The following CCSER1 variants were observed in gnomAD, a reference collection of about 807,000 sequenced individuals.
CCSER1 encodes serine-rich coiled-coil domain-containing protein 1.
CCSER1 carries 41 observed loss-of-function variants against 82.0 expected under a neutral mutation model. The observed-to-expected ratio is 0.50, with a 90% CI of 0.39 to 0.65. The LOEUF is 0.65. Among genes scored for constraint, CCSER1 ranks in the 30% least tolerant of loss-of-function variants. The probability of loss-of-function intolerance (pLI) is 0.00; values close to 1 mark genes in which losing one functional copy is unlikely to be tolerated. For missense variants in CCSER1, 1,119 were observed against 1,064.2 expected (o/e 1.05, Z -0.72); for synonymous variants, 414 against 383.9 (o/e 1.08, Z -0.92).
At chr4:91,447,914 G>A (rs1755659112) in intron 10 of CCSER1, among the ~76,000 whole-genome samples, 1 of 151,968 alleles carries the variant, frequency 6.6e-6, no homozygotes, top group East Asian at 1.9e-4. Context: ...CATAAAGAGT[G>A]GTCCATAAAA....
intron 6 of CCSER1, among the ~76,000 whole-genome samples, chr4:90,655,359 G>A (rs1023072778): frequency 6.6e-6 from 1 of 151,994 alleles, no homozygotes; most frequent in Non-Finnish European, 1.5e-5. Context: ...GGTGTGTTTT[G>A]TGAGATGACA....
chr4:91,162,565 T>A (rs1330766122), intron 10 of CCSER1, among the ~76,000 whole-genome samples: 3 of 152,156 alleles, frequency 2.0e-5, no homozygotes, highest in African/African-American at 4.8e-5. Context: ...GGTCCCGGAC[T>A]TTTTTTGGTT....
chr4:91,142,160 A>G (rs899844308), intron 10 of CCSER1, among the ~76,000 whole-genome samples: 1 of 152,132 alleles, frequency 6.6e-6, no homozygotes, highest in African/African-American at 2.4e-5. Flanking sequence ...GAGATAATTG[A>G]ATCATGGGGG....
chr4:90,332,724 G>A (rs1401031597), intron 3 of CCSER1, among the ~76,000 whole-genome samples: 1 of 152,134 alleles, frequency 6.6e-6, no homozygotes, highest in African/African-American at 2.4e-5. Context: ...TCATGTGAGT[G>A]TTGGTTGTAG....
At chr4:90,945,298 TG>T (rs1248312358) in intron 9 of CCSER1, among the ~76,000 whole-genome samples, 2 of 152,192 alleles carry the variant, frequency 1.3e-5, no homozygotes, top group African/African-American at 2.4e-5. Flanking sequence ...TTTTTTCATT[TG>T]CTATTTATGC....
intron 5 of CCSER1, among the ~76,000 whole-genome samples, chr4:90,536,448 A>G (rs1775376088): frequency 6.6e-6 from 1 of 152,208 alleles, no homozygotes; most frequent in Non-Finnish European, 1.5e-5. Context: ...AATTGAGAAA[A>G]ACATACTCAT....
At chr4:91,359,477 C>A (rs1749104416) in intron 10 of CCSER1, among the ~76,000 whole-genome samples, 1 of 151,826 alleles carries the variant, frequency 6.6e-6, no homozygotes, top group African/African-American at 2.4e-5. Context: ...CTTATGATGG[C>A]AAAAGCTGCT....
intron 3 of CCSER1, among the ~76,000 whole-genome samples, chr4:90,352,661 A>G (rs1345078030): frequency 1.3e-5 from 1 of 76,040 alleles, no homozygotes; most frequent in Admixed American, 1.0e-4. Flanking sequence ...GACTGTCTCA[A>G]AAAACAAAAA....
rs1420851322 is a variant in CCSER1 at position 91,395,077 on chromosome 4, GA to G, written c.2218-203492del. Among the ~76,000 whole-genome samples, 3 of 151,904 alleles carry G rather than the reference GA, an allele frequency of 2.0e-5. No individual in the cohort carries two copies. In the Admixed American group the frequency reaches 2.0e-4, roughly 10 times the overall value. ...CAGCATTTTCCCATTTTTGAAAGAT[GA>G]AACTTTCAAAATATTATGGGTCATT... On this transcript the variant is annotated intron_variant, in intron 10 of 10. Coordinates refer to ENST00000509176, the MANE Select transcript of CCSER1 (RefSeq NM_001145065.2).
At chr4:90,665,826 T>G (rs528369919) in intron 6 of CCSER1, among the ~76,000 whole-genome samples, 8 of 152,296 alleles carry the variant, frequency 5.3e-5, no homozygotes, top group African/African-American at 1.9e-4. Context: ...TGTGGGAGGT[T>G]TCTCTGGTGC....
At chr4:91,203,471 A>T (rs986818067) in intron 10 of CCSER1, among the ~76,000 whole-genome samples, 6 of 151,900 alleles carry the variant, frequency 3.9e-5, no homozygotes, top group Non-Finnish European at 7.4e-5. Flanking sequence ...AAATGGCCTC[A>T]TGGAGGTTAT....
chr4:90,663,178 A>G (rs567964844), intron 6 of CCSER1, among the ~76,000 whole-genome samples: 1 of 152,360 alleles, frequency 6.6e-6, no homozygotes, highest in South Asian at 2.1e-4. Context: ...GAAAGAGAAA[A>G]GAAAATAATA....
At chr4:91,095,141 C>A (rs541120256) in intron 10 of CCSER1, among the ~76,000 whole-genome samples, 1 of 152,314 alleles carries the variant, frequency 6.6e-6, no homozygotes, top group South Asian at 2.1e-4. Flanking sequence ...CTATTGTCAT[C>A]CTGACCATGG....
rs374635040 is a variant in CCSER1 at position 90,274,371 on chromosome 4, A to G, written c.-41-33873A>G. ...AAATAGCTCATTAAAGACATACTGA[A>G]TAACATTTTACATGCTGTGTGTGTC... On this transcript the variant is annotated intron_variant, in intron 1 of 10. Coordinates refer to ENST00000509176, the MANE Select transcript of CCSER1 (RefSeq NM_001145065.2). Among the ~76,000 whole-genome samples the G allele has an allele frequency of 3.3e-4, 50 of 152,328 alleles. No homozygotes were observed. The East Asian group carries it at 7.3e-3, about 22-fold the overall frequency.
At chr4:90,853,859 C>T (rs1342601374) in intron 8 of CCSER1, among the ~76,000 whole-genome samples, 1 of 152,004 alleles carries the variant, frequency 6.6e-6, no homozygotes, top group Non-Finnish European at 1.5e-5. Context: ...AATATATTTA[C>T]ACAATAAATT....
chr4:90,296,559 T>A (rs1260125022), intron 1 of CCSER1, among the ~76,000 whole-genome samples: 1 of 152,200 alleles, frequency 6.6e-6, no homozygotes, highest in Non-Finnish European at 1.5e-5. Context: ...AGACATGAAG[T>A]CCTTGCCCAT....
At chr4:91,031,127 A>G (rs1413033897) in intron 9 of CCSER1, among the ~76,000 whole-genome samples, 2 of 152,188 alleles carry the variant, frequency 1.3e-5, no homozygotes, top group East Asian at 1.9e-4. Flanking sequence ...GGCTCATTAT[A>G]TGATGTTCAC....
chr4:90,395,014 A>G (rs1037624405), intron 3 of CCSER1, among the ~76,000 whole-genome samples: 1 of 152,224 alleles, frequency 6.6e-6, no homozygotes, highest in African/African-American at 2.4e-5. Context: ...TGTACAACAG[A>G]TCTTCAGAAC....
At chr4:90,861,342 T>C (rs1381573652) in intron 8 of CCSER1, among the ~76,000 whole-genome samples, 2 of 151,756 alleles carry the variant, frequency 1.3e-5, no homozygotes, top group Non-Finnish European at 3.0e-5. Context: ...TTGTAGCTTA[T>C]GATTCTAATA....
Sources: allele counts gnomAD v4.1 joint callset (sites outside exome capture counted in the v4.1 genomes callset), GRCh38; gene constraint gnomAD v4.1.1; transcripts MANE v1.5; gene names NCBI Gene and HGNC (gene_info 2026-07-23, HGNC 2026-07-21).